NTRK3: variants seen among roughly 807,000 people sequenced by gnomAD.
NTRK3 encodes the protein neurotrophic receptor tyrosine kinase 3.
In NTRK3, 24 loss-of-function variants were observed where a neutral mutation model predicts 91.7. That is an observed-to-expected ratio of 0.26 (90% CI 0.19 to 0.37). NTRK3 has a LOEUF of 0.37. NTRK3 is among the 10% of genes least tolerant of loss of function. NTRK3 has a pLI of 1.00. For synonymous variants in NTRK3, 483 were observed against 404.0 expected (o/e 1.20, Z -2.34); for missense variants, 880 against 1,068.9 (o/e 0.82, Z 2.46).
At chr15:87,882,439 A>G (rs1289109777) in intron 17 of NTRK3, among the ~76,000 whole-genome samples, 1 of 152,210 alleles carries the variant, frequency 6.6e-6, no homozygotes, top group Non-Finnish European at 1.5e-5. Context: ...CAAAAATGCA[A>G]TTTAAATTTG....
intron 17 of NTRK3, among the ~76,000 whole-genome samples, chr15:87,902,118 G>A (rs2066493246): frequency 6.6e-6 from 1 of 152,120 alleles, no homozygotes; most frequent in Non-Finnish European, 1.5e-5. Context: ...AAGTAAGATG[G>A]GAACCTACAC....
intron 13 of NTRK3, among the ~76,000 whole-genome samples, chr15:88,076,583 C>G (rs1420280235): frequency 6.7e-6 from 1 of 149,228 alleles, no homozygotes; most frequent in Non-Finnish European, 1.5e-5. Context: ...TGCTCTCAGA[C>G]AGGGGATACA....
intron 10 of NTRK3, among the ~76,000 whole-genome samples, chr15:88,133,262 C>G (rs2041549555): frequency 6.6e-6 from 1 of 152,118 alleles, no homozygotes; most frequent in Admixed American, 6.5e-5. Context: ...GAGGAGGTAT[C>G]TCTGAGATAG....
intron 13 of NTRK3, among the ~76,000 whole-genome samples, chr15:88,111,413 G>T (rs1484732552): frequency 6.6e-6 from 1 of 152,204 alleles, no homozygotes; most frequent in Non-Finnish European, 1.5e-5. Flanking sequence ...CCATTAACCC[G>T]CAGCCAAATG....
intron 14 of NTRK3, among the ~76,000 whole-genome samples, chr15:87,964,911 C>T (rs2072649199): frequency 6.6e-6 from 1 of 152,206 alleles, no homozygotes; most frequent in Non-Finnish European, 1.5e-5. Flanking sequence ...TTTTTCTGCT[C>T]TTGACCATTA....
chr15:88,135,375 C>G (rs145699221), exon 10 of NTRK3: 1 of 1,614,048 alleles, frequency 6.2e-7, no homozygotes, highest in Non-Finnish European at 8.5e-7. Context: ...CAGGCTCCTC[C>G]AGGCTCACCA....
chr15:87,994,255 C>A (rs1488991140), intron 14 of NTRK3, among the ~76,000 whole-genome samples: 3 of 152,130 alleles, frequency 2.0e-5, no homozygotes, highest in African/African-American at 7.2e-5. Flanking sequence ...AATTGTGCCC[C>A]TCAAACACCA....
chr15:88,146,902 C>T (rs901987593), intron 6 of NTRK3, among the ~76,000 whole-genome samples: 4 of 152,050 alleles, frequency 2.6e-5, no homozygotes, highest in African/African-American at 9.7e-5. Context: ...CCTCAGAATC[C>T]TCACCCATAA....
At chr15:88,109,368 T>TGGTC (rs1338436511) in intron 13 of NTRK3, among the ~76,000 whole-genome samples, 1 of 152,184 alleles carries the variant, frequency 6.6e-6, no homozygotes, top group African/African-American at 2.4e-5. Flanking sequence ...CCTCGAATCG[T>TGGTC]GGTCCTTCAT....
intron 14 of NTRK3, chr15:87,981,128 A>C: frequency 6.5e-7 from 1 of 1,541,608 alleles, no homozygotes; most frequent in African/African-American, 1.4e-5. Context: ...AGTCCACGAA[A>C]TATATGGAGG....
intron 13 of NTRK3, among the ~76,000 whole-genome samples, chr15:88,050,331 T>C (rs2080701289): frequency 6.6e-6 from 1 of 152,206 alleles, no homozygotes; most frequent in African/African-American, 2.4e-5. Context: ...AAATGACATC[T>C]ATTTTAAAAA....
chr15:87,923,285 ACT>A (rs1294115300), intron 17 of NTRK3, among the ~76,000 whole-genome samples: 3 of 152,184 alleles, frequency 2.0e-5, no homozygotes, highest in Non-Finnish European at 4.4e-5. Flanking sequence ...AGGTCATATA[ACT>A]GGGTTCTTGC....
At chr15:88,218,834 G>A (rs1390254388) in intron 3 of NTRK3, among the ~76,000 whole-genome samples, 1 of 152,220 alleles carries the variant, frequency 6.6e-6, no homozygotes, top group Non-Finnish European at 1.5e-5. Context: ...GCTTTAGAGT[G>A]CTCAGGAATC....
intron 17 of NTRK3, among the ~76,000 whole-genome samples, chr15:87,886,735 TAAACACACACAC>T (rs2065577319): frequency 7.8e-6 from 1 of 127,694 alleles, no homozygotes. Context: ...CACACACACA[TAAACACACACAC>T]ACACATATAT....
chr15:88,095,012 C>A (rs1289384018), intron 13 of NTRK3, among the ~76,000 whole-genome samples: 2 of 152,216 alleles, frequency 1.3e-5, no homozygotes, highest in Non-Finnish European at 2.9e-5. Context: ...TTCCAATACC[C>A]ATTACCTGGG....
chr15:88,192,119 T>C (rs1166368251), intron 3 of NTRK3, among the ~76,000 whole-genome samples: 1 of 152,234 alleles, frequency 6.6e-6, no homozygotes, highest in Non-Finnish European at 1.5e-5. Flanking sequence ...CTGTGCTGGC[T>C]TCCTGATCAA....
exon 19 of NTRK3, chr15:87,871,834 T>G (rs1232476106): frequency 4.5e-6 from 1 of 220,804 alleles, no homozygotes; most frequent in Non-Finnish European, 9.1e-6. Flanking sequence ...CATATATGTA[T>G]ACTTTCTTTA....
chr15:88,256,434 G>T, exon 2 of NTRK3: 2 of 544,816 alleles, frequency 3.7e-6, no homozygotes, highest in South Asian at 2.5e-5. Context: ...GGCGATCGCT[G>T]ACTCGCCGGG....
At chr15:88,232,779 C>T (rs1429076161) in intron 3 of NTRK3, among the ~76,000 whole-genome samples, 3 of 152,312 alleles carry the variant, frequency 2.0e-5, no homozygotes, top group East Asian at 3.9e-4. Context: ...AACTCAGCCT[C>T]CAGGCCTTCA....
Sources: allele counts gnomAD v4.1 joint callset (sites outside exome capture counted in the v4.1 genomes callset), GRCh38; gene constraint gnomAD v4.1.1; transcripts MANE v1.5; gene names NCBI Gene and HGNC (gene_info 2026-07-23, HGNC 2026-07-21).